Variants in BEND4 observed in about 807,000 individuals in gnomAD.
The protein encoded by BEND4 is BEN domain containing 4, also known as BEN domain-containing protein 4.
Under a neutral mutation model 54.7 loss-of-function variants are expected in BEND4, and 27 were observed. The ratio of observed to expected loss-of-function variants is 0.49; its 90% CI spans 0.36 to 0.68. BEND4 has a LOEUF of 0.68. BEND4 is among the 30% of genes least tolerant of loss of function. BEND4 has a pLI of 0.00. For missense variants in BEND4, 702 were observed against 697.2 expected, an observed-to-expected ratio of 1.01 and a Z score of -0.08; for synonymous variants, 327 against 299.5, an observed-to-expected ratio of 1.09 and a Z score of -0.95.
At chr4:42,118,306 A>C (rs1205446570) in intron 5 of BEND4, among the ~76,000 whole-genome samples, 1 of 152,216 alleles carries the variant, frequency 6.6e-6, no homozygotes, top group African/African-American at 2.4e-5. Context: ...ACATGGGCTG[A>C]CAAATATTTT....
Position 42,152,054 on chromosome 4 carries a change from G to T in BEND4, c.90C>A (p.Phe30Leu). The part of the protein sequence containing the change: ...QRSPYSVLKT[F>L]PSKRPALAKR... ...TGGCCAGCGCCGGTCTCTTGCTGGGGAACGTCTTGAGGACGCTGTAGGGGC... is the reference window on the plus strand; with the variant it reads ...TGGCCAGCGCCGGTCTCTTGCTGGGTAACGTCTTGAGGACGCTGTAGGGGC... The change falls in exon 2 of 6, where the codon TTC (phenylalanine) becomes TTA (leucine). Residue 30 changes from phenylalanine (F) to leucine (L), a missense_variant. Phe to Leu is a conservative substitution (Grantham distance 22, BLOSUM62 0). Coordinates refer to ENST00000502486, the MANE Select transcript of BEND4 (RefSeq NM_207406.4). The T allele has an allele frequency of 8.0e-7, 1 of 1,252,256 alleles. No individual in the cohort carries two copies. Among genetic ancestry groups the T allele is most frequent in the Non-Finnish European group, 1.0e-6 (1 of 991,214 alleles). 77.6% of individuals were successfully genotyped at this position (1,252,256 alleles called of 1,614,324 possible). A position where few individuals can be genotyped will look rare whatever the true frequency, so the allele number is the denominator to read the frequency against.
At chr4:42,149,052 T>C (rs1211438170) in intron 2 of BEND4, among the ~76,000 whole-genome samples, 1 of 152,256 alleles carries the variant, frequency 6.6e-6, no homozygotes, top group Non-Finnish European at 1.5e-5. Flanking sequence ...CCATTTACTC[T>C]GGACACTCAG....
In BEND4 at chr4:42,113,857, T is replaced by C. The variant is rs1028632022; in HGVS notation, c.*3661A>G. 6 of 152,112 alleles carry C rather than the reference T, an allele frequency of 3.9e-5. No homozygotes were observed. The highest frequency in any genetic ancestry group is 1.4e-4 in the African/African-American group (6 of 41,412). The allele number at this position is 152,112 out of a possible 1,614,324, so 9.4% of individuals were successfully genotyped here. On this transcript the variant is annotated 3_prime_UTR_variant, in exon 6 of 6. Transcript: ENST00000502486. ...AATCCCCTACAAAAGGAGATAACAA[T>C]TTTCTGCAAATGCTCTAATATTATC...
intron 2 of BEND4, among the ~76,000 whole-genome samples, chr4:42,146,730 T>C (rs975806003): frequency 6.6e-6 from 1 of 152,244 alleles, no homozygotes; most frequent in African/African-American, 2.4e-5. Flanking sequence ...TATTTACTGT[T>C]TGCATTTTAA....
Position 42,115,042 on chromosome 4 carries a change from G to A in BEND4, c.*2476C>T, listed in dbSNP as rs1719744033. The A allele has an allele frequency of 1.3e-5, 2 of 152,322 alleles. No homozygotes were observed. The highest frequency in any genetic ancestry group is 4.1e-4 in the South Asian group (2 of 4,834). 9.4% of individuals were successfully genotyped at this position (152,322 alleles called of 1,614,324 possible). A position where few individuals can be genotyped will look rare whatever the true frequency, so the allele number is the denominator to read the frequency against. On this transcript the variant is annotated 3_prime_UTR_variant, in exon 6 of 6. Transcript: ENST00000502486. ...GTAGGAACATTTCACTCAGGCAAAA[G>A]CTGTAGGTCCGAGACCCAGCAGAGG...
intron 3 of BEND4, among the ~76,000 whole-genome samples, chr4:42,135,330 T>C (rs996626911): frequency 5.9e-5 from 9 of 152,208 alleles, no homozygotes; most frequent in African/African-American, 1.7e-4. Context: ...AGAATACCAC[T>C]TATCATAAGG....
At position 42,143,537 on chromosome 4, in the gene BEND4, C is replaced by T. The variant is rs751132861; in HGVS notation, c.945G>A (p.Glu315=). 1.1e-5 allele frequency: 17 copies of T among 1,556,256 alleles called. No individual in the cohort carries two copies. The highest frequency in any genetic ancestry group is 1.5e-5 in the Non-Finnish European group (17 of 1,149,568). The change falls in exon 3 of 6, where the codon GAG becomes GAA. Residue 315 remains glutamate (E), a synonymous_variant. Transcript: ENST00000502486. ...GACAATAGCCTTCCTCGTCCTCCTCCTCCTCCTCTTCTGGCAGTGTAGATG... is the reference window on the plus strand; with the variant it reads ...GACAATAGCCTTCCTCGTCCTCCTCTTCCTCCTCTTCTGGCAGTGTAGATG... ...PSSSTLPEEE[E]EEDEEGYCPR...
intron 3 of BEND4, among the ~76,000 whole-genome samples, chr4:42,138,931 A>T (rs562269703): frequency 1.1e-4 from 16 of 152,194 alleles, no homozygotes; most frequent in Non-Finnish European, 2.2e-4. Flanking sequence ...AGTGGAACAT[A>T]AAGATTGGTG....
rs1198658584 is a variant in BEND4 at position 42,151,796 on chromosome 4, C to T, written c.348G>A (p.Pro116=). The T allele has an allele frequency of 4.0e-6, 6 of 1,486,834 alleles. No individual in the cohort carries two copies. In the African/African-American group the frequency reaches 8.9e-5, roughly 22 times the overall value. 92.1% of individuals were successfully genotyped at this position (1,486,834 alleles called of 1,614,324 possible). A position where few individuals can be genotyped will look rare whatever the true frequency, so the allele number is the denominator to read the frequency against. ...CGGGGGACGCGGGCGGCGGCTGCGC[C>T]GGAGTCCTCAAGTGGCCCTGGGATG... ...PATSQGHLRT[P]AQPPPASPAA... Residue 116 remains proline (P), a synonymous_variant, in exon 2 of 6, where the codon CCG becomes CCA. Coordinates refer to ENST00000502486, the MANE Select transcript of BEND4 (RefSeq NM_207406.4).
Position 42,152,010 on chromosome 4 carries a change from G to T in BEND4, c.134C>A (p.Thr45Asn), listed in dbSNP as rs894127971. 21 of 1,254,022 alleles carry T rather than the reference G, an allele frequency of 1.7e-5. No individual in the cohort carries two copies. The highest frequency in any genetic ancestry group is 2.0e-5 in the Non-Finnish European group (20 of 993,848). The allele number at this position is 1,254,022 out of a possible 1,614,324, so 77.7% of individuals were successfully genotyped here. Residue 45 changes from threonine to asparagine, a missense_variant, in exon 2 of 6, where the codon ACC (threonine) becomes AAC (asparagine). Transcript: ENST00000502486. ...PALAKRYERPTLVELPHVRAP... is the reference protein window; with the variant it reads ...PALAKRYERPNLVELPHVRAP... Reference sequence around the variant, plus strand: ...CCGCACGTGCGGCAGCTCCACCAGGGTGGGTCGCTCGTAGCGCTTGGCCAG... The same window carrying T: ...CCGCACGTGCGGCAGCTCCACCAGGTTGGGTCGCTCGTAGCGCTTGGCCAG...
chr4:42,142,636 CA>C (rs56802075), intron 3 of BEND4, among the ~76,000 whole-genome samples: 6,586 of 54,142 alleles, frequency 0.12, 355 homozygotes, highest in African/African-American at 0.32. Flanking sequence ...GACTCCGTCT[CA>C]AAAAAAAAAA....
At chr4:42,151,350 G>T (rs1721270084) in intron 2 of BEND4, 1 of 241,620 alleles carries the variant, frequency 4.1e-6, no homozygotes, top group East Asian at 7.4e-5. Context: ...CCCCCGGGGG[G>T]GCGTCTGGCC....
At position 42,117,224 on chromosome 4, in the gene BEND4, C is replaced by A; in HGVS notation, c.*294G>T. 4.0e-6 allele frequency: 1 copy of A among 250,680 alleles called. No individual in the cohort carries two copies. Among genetic ancestry groups the A allele is most frequent in the Non-Finnish European group, 7.5e-6 (1 of 133,048 alleles). 15.5% of individuals were successfully genotyped at this position (250,680 alleles called of 1,614,324 possible). A position where few individuals can be genotyped will look rare whatever the true frequency, so the allele number is the denominator to read the frequency against. Reference sequence around the variant, plus strand: ...CCCAGGTAGCAGAGTTTGAAGATTTCAGAAAGGTAACTAGGAGCTCACCTA... The same window carrying A: ...CCCAGGTAGCAGAGTTTGAAGATTTAAGAAAGGTAACTAGGAGCTCACCTA... On this transcript the variant is annotated 3_prime_UTR_variant, in exon 6 of 6. Transcript: ENST00000502486.
chr4:42,123,499 A>C (rs943192180), intron 4 of BEND4, among the ~76,000 whole-genome samples: 1 of 151,974 alleles, frequency 6.6e-6, no homozygotes, highest in African/African-American at 2.4e-5. Context: ...TAAGCAAGGA[A>C]ACTAGTTCTG....
rs1466346060 is a variant in BEND4 at position 42,111,872 on chromosome 4, G to A, written c.*5646C>T. On this transcript the variant is annotated 3_prime_UTR_variant, in exon 6 of 6. Transcript: ENST00000502486. ...TGCATTTTTGCACTAGGAACCTATG[G>A]GACAAATGTGAACAAACTCGTGATT... 2 of 151,998 alleles carry A rather than the reference G, an allele frequency of 1.3e-5. No individual in the cohort carries two copies. The highest frequency in any genetic ancestry group is 2.9e-5 in the Non-Finnish European group (2 of 67,998). 9.4% of individuals were successfully genotyped at this position (151,998 alleles called of 1,614,324 possible). A position where few individuals can be genotyped will look rare whatever the true frequency, so the allele number is the denominator to read the frequency against.
At chr4:42,135,981 C>T (rs1183410670) in intron 3 of BEND4, among the ~76,000 whole-genome samples, 1 of 152,196 alleles carries the variant, frequency 6.6e-6, no homozygotes, top group African/African-American at 2.4e-5. Flanking sequence ...CTCAGTGTCA[C>T]TGATAGTTGT....
intron 2 of BEND4, among the ~76,000 whole-genome samples, chr4:42,147,711 T>C (rs557342570): frequency 1.4e-4 from 21 of 152,282 alleles, no homozygotes; most frequent in African/African-American, 4.8e-4. Flanking sequence ...ATGCTGCAAA[T>C]TGTGCCTTGT....
chr4:42,143,633 T>G lies in BEND4; in HGVS notation c.849A>C (p.Ser283=), dbSNP rs986358797. ...YGHLADVDPL[S]TSPVHTLGGW... is the part of the protein sequence containing the mutation. Reference sequence around the variant, plus strand: ...CACCTAATGTATGCACAGGAGAGGTTGACAGAGGATCCACGTCGGCCAGAT... The same window carrying G: ...CACCTAATGTATGCACAGGAGAGGTGGACAGAGGATCCACGTCGGCCAGAT... Residue 283 remains serine, a synonymous_variant, in exon 3 of 6, where the codon TCA becomes TCC. Coordinates refer to ENST00000502486, the MANE Select transcript of BEND4 (RefSeq NM_207406.4). The G allele has an allele frequency of 6.2e-7, 1 of 1,612,594 alleles. No individual in the cohort carries two copies. Among genetic ancestry groups the G allele is most frequent in the African/African-American group, 1.3e-5 (1 of 74,900 alleles).
Position 42,125,642 on chromosome 4 carries a change from T to C in BEND4, c.1087A>G (p.Met363Val). 2 of 1,613,392 alleles carry C rather than the reference T, an allele frequency of 1.2e-6. No homozygotes were observed. Among genetic ancestry groups the C allele is most frequent in the Non-Finnish European group, 1.7e-6 (2 of 1,179,616 alleles). The change falls in exon 4 of 6, where the codon ATG (methionine) becomes GTG (valine). Residue 363 changes from methionine to valine, a missense_variant. Transcript: ENST00000502486. ...AGTTGGTTGTGGTGCTGCAGAACCA[T>C]CTTCAAGTAATCTAAAACGGTCTGG... Reference protein sequence around the residue: ...PCQTVLDYLKMVLQHHNQLLI... With the variant: ...PCQTVLDYLKVVLQHHNQLLI...
Sources: gnomAD v4.1 joint callset for allele counts (sites outside exome capture counted in the v4.1 genomes callset) on GRCh38, gnomAD v4.1.1 for gene constraint, MANE v1.5 for transcripts, NCBI Gene and HGNC (gene_info 2026-07-23, HGNC 2026-07-21) for gene names.